The following CCNL2 variants were observed in gnomAD, a reference collection of about 807,000 sequenced individuals.
CCNL2 encodes cyclin L2.
CCNL2 carries 28 observed loss-of-function variants against 59.1 expected under a neutral mutation model. The observed-to-expected ratio is 0.47, with a 90% CI of 0.35 to 0.65. The LOEUF (loss-of-function observed/expected upper bound fraction) is 0.65, where lower values mean the gene tolerates loss of function less well. Among genes scored for constraint, CCNL2 ranks in the 30% least tolerant of loss-of-function variants. CCNL2 has a pLI of 0.00. For synonymous variants in CCNL2, 342 were observed against 288.6 expected, an observed-to-expected ratio of 1.19 and a Z score of -1.88; for missense variants, 714 against 717.4, an observed-to-expected ratio of 1.00 and a Z score of 0.05.
Position 1,393,416 on chromosome 1 carries a change from T to C in CCNL2, c.639A>G (p.Gln213=), listed in dbSNP as rs1367092377. ...CTCACCATGAGGTCTGGACCAGGTGTTGGTTACGCTCACACTCTAACACCT... is the reference window on the plus strand; with the variant it reads ...CTCACCATGAGGTCTGGACCAGGTGCTGGTTACGCTCACACTCTAACACCT... ...YLQVLECERN[Q]HLVQTSWNYM... Residue 213 remains glutamine, a synonymous_variant, in exon 5 of 11, where the codon CAA becomes CAG. Coordinates refer to ENST00000400809, the MANE Select transcript of CCNL2 (RefSeq NM_030937.6). The C allele has an allele frequency of 6.2e-7, 1 of 1,613,964 alleles. No individual in the cohort carries two copies. Among genetic ancestry groups the C allele is most frequent in the African/African-American group, 1.3e-5 (1 of 74,922 alleles).
chr1:1,390,504 A>G lies in CCNL2; in HGVS notation c.819T>C (p.Ile273=). Residue 273 remains isoleucine (I), a synonymous_variant, in exon 7 of 11, where the codon ATT becomes ATC. Transcript: ENST00000400809. ...FLLFGATEEE[I]QEICLKILQL... ...GCAAGATCTTTAAGCAGATTTCCTGAATTTCTTCTTCAGTTGCTCCAAACA... is the reference window on the plus strand; with the variant it reads ...GCAAGATCTTTAAGCAGATTTCCTGGATTTCTTCTTCAGTTGCTCCAAACA... 1 of 1,613,834 alleles carries G rather than the reference A, an allele frequency of 6.2e-7. No individual in the cohort carries two copies. Among genetic ancestry groups the G allele is most frequent in the South Asian group, 1.1e-5 (1 of 90,962 alleles).
intron 3 of CCNL2, among the ~76,000 whole-genome samples, chr1:1,397,724 C>T (rs1645119300): frequency 6.6e-6 from 1 of 152,088 alleles, no homozygotes; most frequent in Non-Finnish European, 1.5e-5. Context: ...AATTAGCTGG[C>T]ATGGTTGGCG....
At chr1:1,397,917 C>T (rs566174814) in intron 3 of CCNL2, among the ~76,000 whole-genome samples, 1 of 152,282 alleles carries the variant, frequency 6.6e-6, no homozygotes, top group South Asian at 2.1e-4. Flanking sequence ...ATTAAGATTC[C>T]CTGCTCCAGA....
chr1:1,390,988 C>G (rs1644734774), intron 5 of CCNL2, 123 bp from the exon 6 acceptor site: 1 of 896,762 alleles, frequency 1.1e-6, no homozygotes, highest in African/African-American at 1.7e-5. Flanking sequence ...TGCTAGGACT[C>G]AGAGCTAGAC....
chr1:1,394,961 G>A (rs1181218424), intron 4 of CCNL2, among the ~76,000 whole-genome samples: 1 of 152,120 alleles, frequency 6.6e-6, no homozygotes, highest in Non-Finnish European at 1.5e-5. Flanking sequence ...GGAGGCTGAG[G>A]CAGGAGAATG....
chr1:1,398,829 G>C (rs891941825), intron 1 of CCNL2, 158 bp from the exon 2 acceptor site: 6 of 1,280,636 alleles, frequency 4.7e-6, no homozygotes, highest in African/African-American at 4.4e-5. Flanking sequence ...TCGGGATCCA[G>C]CGCACTGGCG....
intron 4 of CCNL2, among the ~76,000 whole-genome samples, chr1:1,394,752 GAAAAAAA>G (rs745453245): frequency 7.0e-5 from 3 of 42,796 alleles, no homozygotes; most frequent in Non-Finnish European, 1.6e-4. Flanking sequence ...TCCGTCTCAA[GAAAAAAA>G]AAAAAAAAAA....
At chr1:1,395,719 C>G (rs1027375150) in intron 3 of CCNL2, among the ~76,000 whole-genome samples, 2 of 152,182 alleles carry the variant, frequency 1.3e-5, no homozygotes, top group African/African-American at 4.8e-5. Flanking sequence ...ACGATCCCTC[C>G]CTGCTTTTCC....
At chr1:1,396,233 C>G (rs1645013119) in intron 3 of CCNL2, among the ~76,000 whole-genome samples, 1 of 150,596 alleles carries the variant, frequency 6.6e-6, no homozygotes, top group Non-Finnish European at 1.5e-5. Flanking sequence ...TGGCTCACAC[C>G]TGTAACCCCA....
At chr1:1,390,936 G>A (rs1425361979) in intron 5 of CCNL2, 71 bp from the exon 6 acceptor site, 4 of 1,304,508 alleles carry the variant, frequency 3.1e-6, no homozygotes, top group East Asian at 2.3e-5. Flanking sequence ...GCATTATCTA[G>A]AGAAAATCTA....
intron 4 of CCNL2, among the ~76,000 whole-genome samples, chr1:1,394,708 C>T (rs1644921826): frequency 6.8e-6 from 1 of 147,782 alleles, no homozygotes; most frequent in African/African-American, 2.5e-5. Context: ...CAAGATTGCA[C>T]CACTGCACTC....
At chr1:1,391,107 G>T in intron 5 of CCNL2, 2 of 1,232,314 alleles carry the variant, frequency 1.6e-6, no homozygotes, top group South Asian at 2.4e-5. Context: ...AAAAAAGCTG[G>T]CTGAATGTCA....
At chr1:1,389,938 T>C (rs1198966974) in intron 8 of CCNL2, among the ~76,000 whole-genome samples, 1 of 151,964 alleles carries the variant, frequency 6.6e-6, no homozygotes, top group Non-Finnish European at 1.5e-5. Flanking sequence ...CAGCCTGGGC[T>C]GGAGCAAGAC....
intron 8 of CCNL2, 152 bp downstream of exon 8, chr1:1,390,078 A>T: frequency 1.4e-6 from 1 of 705,748 alleles, no homozygotes; most frequent in Non-Finnish European, 2.3e-6. Context: ...CGATCACACC[A>T]CCATACTCCA....
intron 3 of CCNL2, among the ~76,000 whole-genome samples, chr1:1,396,749 T>A (rs1169360145): frequency 2.0e-5 from 3 of 150,420 alleles, no homozygotes; most frequent in Admixed American, 1.3e-4. Context: ...CCGGCTAATT[T>A]TTTTTTTATT....
In CCNL2 at chr1:1,393,296, A is replaced by G; in HGVS notation, c.659+100T>C. ...GGCACTCGGACAACTCCAGCCCACA[A>G]CCAAGTCACTGGGCTGCCTACCCAC... On this transcript the variant is annotated intron_variant, in intron 5 of 10. Coordinates refer to ENST00000400809, the MANE Select transcript of CCNL2 (RefSeq NM_030937.6). 3 of 952,112 alleles carry G rather than the reference A, an allele frequency of 3.2e-6. No individual in the cohort carries two copies. In the South Asian group the frequency reaches 4.0e-5, roughly 13 times the overall value. 59.0% of individuals were successfully genotyped at this position (952,112 alleles called of 1,614,324 possible).
rs913200813 is a variant in CCNL2, at chr1:1,386,642, G to C, written c.*589C>G. 2 of 152,552 alleles carry C rather than the reference G, an allele frequency of 1.3e-5. No individual in the cohort carries two copies. The highest frequency in any genetic ancestry group is 2.9e-5 in the Non-Finnish European group (2 of 68,070). 9.4% of individuals were successfully genotyped at this position (152,552 alleles called of 1,614,324 possible). A position where few individuals can be genotyped will look rare whatever the true frequency, so the allele number is the denominator to read the frequency against. Reference sequence around the variant, plus strand: ...ATCCAAATACCCTCACATTTTAAAAGTCAGGATTCCCTACACAAGTTTTAA... The same window carrying C: ...ATCCAAATACCCTCACATTTTAAAACTCAGGATTCCCTACACAAGTTTTAA... On this transcript the variant is annotated 3_prime_UTR_variant, in exon 11 of 11. Coordinates refer to ENST00000400809, the MANE Select transcript of CCNL2 (RefSeq NM_030937.6).
intron 3 of CCNL2, 103 bp downstream of exon 3, chr1:1,398,130 A>T: frequency 1.8e-6 from 2 of 1,098,740 alleles, no homozygotes; most frequent in Non-Finnish European, 2.7e-6. Context: ...CCACAGGTTT[A>T]GAGCCTCAGG....
Position 1,398,268 on chromosome 1 carries a change from A to G in CCNL2, c.438T>C (p.Asn146=). 1 of 1,614,240 alleles carries G rather than the reference A, an allele frequency of 6.2e-7. No individual in the cohort carries two copies. The highest frequency in any genetic ancestry group is 8.5e-7 in the Non-Finnish European group (1 of 1,180,030). ...EAPRRIRDVI[N]VFHRLRQLRD... ...TCAGCTGTCGAAGGCGGTGAAACACATTGATGACGTCCCGTATGCGTCTTG... is the reference window on the plus strand; with the variant it reads ...TCAGCTGTCGAAGGCGGTGAAACACGTTGATGACGTCCCGTATGCGTCTTG... The change falls in exon 3 of 11, where the codon AAT becomes AAC. Residue 146 remains asparagine, a synonymous_variant. Transcript: ENST00000400809.
Sources: gnomAD v4.1 joint callset for allele counts (sites outside exome capture counted in the v4.1 genomes callset) on GRCh38, gnomAD v4.1.1 for gene constraint, MANE v1.5 for transcripts, NCBI Gene and HGNC (gene_info 2026-07-23, HGNC 2026-07-21) for gene names.